The following INO80D variants were observed in gnomAD, a reference collection of about 807,000 sequenced individuals.
INO80D encodes the protein INO80 complex subunit D.
Under a neutral mutation model 87.6 loss-of-function variants are expected in INO80D, and 21 were observed. The observed-to-expected ratio is 0.24, with a 90% confidence interval of 0.17 to 0.35. The LOEUF is 0.35. INO80D is among the 10% of genes least tolerant of loss of function. INO80D has a pLI of 1.00. For synonymous variants in INO80D, 440 were observed against 491.0 expected, an observed-to-expected ratio of 0.90 and a Z score of 1.37; for missense variants, 982 against 1,280.7, an observed-to-expected ratio of 0.77 and a Z score of 3.56.
chr2:206,016,225 C>T (rs192105711), intron 8 of INO80D, among the ~76,000 whole-genome samples: 11 of 152,340 alleles, frequency 7.2e-5, no homozygotes, highest in African/African-American at 2.4e-4. Flanking sequence ...CTATGTTTTG[C>T]ATGAGCTTGA....
chr2:206,069,939 A>C (rs1172327035), intron 1 of INO80D, among the ~76,000 whole-genome samples: 33 of 152,122 alleles, frequency 2.2e-4, no homozygotes, highest in Non-Finnish European at 1.5e-5. Flanking sequence ...CCCCGAAAAG[A>C]GCAGATTTGT....
chr2:206,073,524 C>G (rs931734238), intron 1 of INO80D, among the ~76,000 whole-genome samples: 7 of 151,930 alleles, frequency 4.6e-5, no homozygotes, highest in African/African-American at 1.7e-4. Flanking sequence ...TCCTTTCCCT[C>G]TTTTTTCTGA....
intron 9 of INO80D, among the ~76,000 whole-genome samples, chr2:206,009,066 T>A (rs753915794): frequency 8.5e-5 from 13 of 152,212 alleles, no homozygotes; most frequent in Non-Finnish European, 1.9e-4. Context: ...TCCCAGCACT[T>A]TGGGAGGCCG....
intron 8 of INO80D, among the ~76,000 whole-genome samples, chr2:206,010,758 C>T (rs1688151626): frequency 6.6e-6 from 1 of 152,084 alleles, no homozygotes; most frequent in African/African-American, 2.4e-5. Flanking sequence ...GTCACAAATA[C>T]ATAAATTTAA....
At chr2:206,053,842 A>T (rs982479394) in intron 4 of INO80D, among the ~76,000 whole-genome samples, 1 of 146,994 alleles carries the variant, frequency 6.8e-6, no homozygotes, top group East Asian at 2.0e-4. Context: ...AAGATACAGA[A>T]TTTTTTTTTT....
At chr2:206,029,384 G>A (rs574864786) in intron 5 of INO80D, among the ~76,000 whole-genome samples, 75 of 152,288 alleles carry the variant, frequency 4.9e-4, no homozygotes, top group African/African-American at 1.8e-3. Flanking sequence ...GCTACCACCA[G>A]CAAGGTTTAA....
intron 1 of INO80D, among the ~76,000 whole-genome samples, chr2:206,064,878 GA>G (rs34723447): frequency 0.19 from 28,638 of 151,184 alleles, 2,789 homozygotes; most frequent in Non-Finnish European, 0.2. Context: ...CTTCTGGAGG[GA>G]AAAAAAATCA....
intron 1 of INO80D, among the ~76,000 whole-genome samples, chr2:206,064,744 T>A (rs1689769324): frequency 1.3e-5 from 2 of 152,158 alleles, no homozygotes; most frequent in Non-Finnish European, 2.9e-5. Context: ...AATACAAGAC[T>A]ACATTCCACC....
intron 1 of INO80D, among the ~76,000 whole-genome samples, chr2:206,070,878 T>C (rs1199056386): frequency 6.9e-6 from 1 of 144,182 alleles, no homozygotes; most frequent in Admixed American, 7.1e-5. Context: ...CTTGATTTTA[T>C]AGGGGACTTG....
rs913566773 is a variant in INO80D at position 205,995,631 on chromosome 2, A to G, written c.*8737T>C. On this transcript the variant is annotated 3_prime_UTR_variant, in exon 11 of 11. Transcript: ENST00000403263. ...TATCTACTCCCACAATATATACTAG[A>G]GACATACTGTGTGAGTACATACGAA... is the stretch of plus-strand genomic sequence containing the variant. 4 of 152,140 alleles carry G rather than the reference A, an allele frequency of 2.6e-5. No homozygotes were observed. Among genetic ancestry groups the G allele is most frequent in the Non-Finnish European group, 5.9e-5 (4 of 68,000 alleles). The allele number at this position is 152,140 out of a possible 1,614,324, so 9.4% of individuals were successfully genotyped here.
At chr2:206,059,254 G>A (rs1461167993) in intron 3 of INO80D, among the ~76,000 whole-genome samples, 2 of 151,872 alleles carry the variant, frequency 1.3e-5, no homozygotes, top group African/African-American at 2.4e-5. Flanking sequence ...GGTGGTGTGC[G>A]CCTGTAATTC....
chr2:206,054,812 C>T (rs1245938250), intron 4 of INO80D, among the ~76,000 whole-genome samples: 1 of 152,142 alleles, frequency 6.6e-6, no homozygotes, highest in South Asian at 2.1e-4. Context: ...CCACACCCGG[C>T]CTATTTTTGT....
rs758686632 is a variant in INO80D at position 206,005,446 on chromosome 2, C to T, written c.2006G>A (p.Ser669Asn). Residue 669 changes from serine (S) to asparagine (N), a missense_variant, in exon 11 of 11, where the codon AGT (serine) becomes AAT (asparagine). Coordinates refer to ENST00000403263, the MANE Select transcript of INO80D (RefSeq NM_017759.5). ...LQAVTSLECL[S>N]TIGVLAQSDG... ...TGACTGGGCAAGGACCCCAATGGTA[C>T]TCAGGCACTCGAGAGAAGTTACAGC... 1 of 1,613,952 alleles carries T rather than the reference C, an allele frequency of 6.2e-7. No homozygotes were observed. The highest frequency in any genetic ancestry group is 2.2e-5 in the East Asian group (1 of 44,878).
rs772213102 is a variant in INO80D at position 206,000,546 on chromosome 2, G to A, written c.*3822C>T. The A allele has an allele frequency of 5.3e-5, 8 of 151,772 alleles. No homozygotes were observed. The highest frequency in any genetic ancestry group is 2.0e-4 in the Admixed American group (3 of 15,210). The allele number at this position is 151,772 out of a possible 1,614,324, so 9.4% of individuals were successfully genotyped here. Reference sequence around the variant, plus strand: ...AATTCTTTCATGTAAGAAGAAAACCGTATGGACAGGGCACCTCTGTGCATC... The same window carrying A: ...AATTCTTTCATGTAAGAAGAAAACCATATGGACAGGGCACCTCTGTGCATC... On this transcript the variant is annotated 3_prime_UTR_variant, in exon 11 of 11. Transcript: ENST00000403263.
rs1687956766 is a variant in INO80D at position 206,004,144 on chromosome 2, G to C, written c.*224C>G. On this transcript the variant is annotated 3_prime_UTR_variant, in exon 11 of 11. Transcript: ENST00000403263. The surrounding 1 kb of genome is among the most constrained non-coding windows in gnomAD (Gnocchi z 4.9). ...GCTGAACCACTAAGGAAACCACTGG[G>C]GCGGAGTGGGCCTGCCAGGAGGGAA... 1.7e-6 allele frequency: 1 copy of C among 578,702 alleles called. No individual in the cohort carries two copies. The highest frequency in any genetic ancestry group is 3.1e-6 in the Non-Finnish European group (1 of 324,592). The allele number at this position is 578,702 out of a possible 1,614,324, so 35.8% of individuals were successfully genotyped here.
chr2:206,034,234 C>A (rs1688838778), intron 5 of INO80D, among the ~76,000 whole-genome samples: 1 of 152,114 alleles, frequency 6.6e-6, no homozygotes. Context: ...AGGAATCCTC[C>A]CTACTTCATT....
At chr2:206,072,545 T>C (rs2105902859) in intron 1 of INO80D, among the ~76,000 whole-genome samples, 1 of 152,230 alleles carries the variant, frequency 6.6e-6, no homozygotes, top group Non-Finnish European at 1.5e-5. Flanking sequence ...CCCAAAGTGC[T>C]AGGATTACAG....
At chr2:206,084,572 T>G (rs1690383345) in intron 1 of INO80D, 1 of 152,126 alleles carries the variant, frequency 6.6e-6, no homozygotes, top group African/African-American at 2.4e-5. Context: ...CGGTGTTGGT[T>G]TTACCGGACA....
chr2:206,050,865 A>T lies in INO80D; in HGVS notation c.965-4253T>A, dbSNP rs115195517. On this transcript the variant is annotated intron_variant, in intron 4 of 10. Coordinates refer to ENST00000403263, the MANE Select transcript of INO80D (RefSeq NM_017759.5). Reference sequence around the variant, plus strand: ...GCGCCTGTAGTCCCAACTACTCGGCAGGCTGAAGCAGGAGAATGGCGTGAA... The same window carrying T: ...GCGCCTGTAGTCCCAACTACTCGGCTGGCTGAAGCAGGAGAATGGCGTGAA... 4.6e-3 allele frequency among the ~76,000 whole-genome samples: 693 copies of T among 152,104 alleles called. 4 individuals carry two copies. The highest frequency in any genetic ancestry group is 8.0e-3 in the Non-Finnish European group (547 of 68,004).
Sources: allele counts gnomAD v4.1 joint callset (sites outside exome capture counted in the v4.1 genomes callset), GRCh38; gene constraint gnomAD v4.1.1; non-coding constraint Gnocchi (gnomAD v3.1); transcripts MANE v1.5; gene names NCBI Gene and HGNC (gene_info 2026-07-23, HGNC 2026-07-21).